Variants in RPF2 observed in about 807,000 individuals in gnomAD.
RPF2 encodes the protein ribosome production factor 2 homolog.
RPF2 carries 21 observed loss-of-function variants against 38.9 expected under a neutral mutation model. The ratio of observed to expected loss-of-function variants is 0.54; its 90% CI spans 0.38 to 0.78. RPF2 has a LOEUF of 0.78. Among genes scored for constraint, RPF2 ranks in the 30% least tolerant of loss-of-function variants. The pLI is 0.00. For synonymous variants in RPF2, 121 were observed against 126.2 expected, an observed-to-expected ratio of 0.96 and a Z score of 0.28; for missense variants, 314 against 358.1, an observed-to-expected ratio of 0.88 and a Z score of 0.99.
intron 2 of RPF2, among the ~76,000 whole-genome samples, chr6:110,985,517 G>A (rs1771509286): frequency 6.6e-6 from 1 of 152,208 alleles, no homozygotes; most frequent in African/African-American, 2.4e-5. Context: ...ACCGGTTACT[G>A]TGCCTCTGCT....
chr6:110,988,399 G>T (rs1771559936), intron 2 of RPF2, among the ~76,000 whole-genome samples: 1 of 150,004 alleles, frequency 6.7e-6, no homozygotes, highest in African/African-American at 2.4e-5. Context: ...TCAGCCTTTC[G>T]TGATAGAATT....
At chr6:111,008,637 G>C (rs569520876) in intron 7 of RPF2, among the ~76,000 whole-genome samples, 2 of 151,944 alleles carry the variant, frequency 1.3e-5, no homozygotes, top group Non-Finnish European at 1.5e-5. Flanking sequence ...TTGTATCACC[G>C]ACTTCCAACT....
chr6:111,018,937 C>T (rs1356707934), intron 8 of RPF2, among the ~76,000 whole-genome samples: 4 of 152,134 alleles, frequency 2.6e-5, no homozygotes, highest in Admixed American at 1.3e-4. Context: ...GTACTCAGGA[C>T]GGACATGGTG....
chr6:111,004,546 G>C lies in RPF2; in HGVS notation c.394-3492G>C, dbSNP rs543561063. Among the ~76,000 whole-genome samples the C allele has an allele frequency of 5.8e-4, 84 of 146,024 alleles. 1 individual carries two copies. Among genetic ancestry groups the C allele is most frequent in the African/African-American group, 2.0e-3 (80 of 40,114 alleles). ...ATCAGTGCTGTATGTATTAAGTATT[G>C]GGGTTTTTTTTTTTTTGGAGACAGG... On this transcript the variant is annotated intron_variant, in intron 6 of 9. Transcript: ENST00000441448.
chr6:111,025,303 A>T, intron 9 of RPF2, 100 bp from the exon 10 acceptor site: 1 of 728,174 alleles, frequency 1.4e-6, no homozygotes. Context: ...AGGGGCAGGC[A>T]CTAATGGAAA....
intron 2 of RPF2, among the ~76,000 whole-genome samples, chr6:110,986,449 G>C (rs1771527551): frequency 6.6e-6 from 1 of 152,202 alleles, no homozygotes; most frequent in Non-Finnish European, 1.5e-5. Flanking sequence ...GACTTCCCAG[G>C]TGTTTGGCTT....
intron 8 of RPF2, among the ~76,000 whole-genome samples, chr6:111,022,319 A>G (rs77347638): frequency 0.032 from 4,911 of 152,324 alleles, 111 homozygotes; most frequent in Middle Eastern, 0.058. Context: ...CAAGAAATAG[A>G]CAAATAATAT....
intron 6 of RPF2, among the ~76,000 whole-genome samples, chr6:111,002,017 C>T (rs1488646961): frequency 2.6e-5 from 4 of 152,190 alleles, no homozygotes; most frequent in East Asian, 1.9e-4. Flanking sequence ...TGCTGGCTCA[C>T]GCCTGTAATC....
Position 111,019,922 on chromosome 6 carries a change from G to GT in RPF2, c.596+4076dup, listed in dbSNP as rs1045101298. Among the ~76,000 whole-genome samples, 394 of 146,546 alleles carry GT rather than the reference G, an allele frequency of 2.7e-3. 1 individual carries two copies. Among genetic ancestry groups the GT allele is most frequent in the South Asian group, 0.02 (95 of 4,660 alleles). Reference sequence around the variant, plus strand: ...GGAACACCTTTCTTTTCTTTCTTTTGTTTTTTTTTTGAGACGGAGTCTCGC... The same window carrying GT: ...GGAACACCTTTCTTTTCTTTCTTTTGTTTTTTTTTTTGAGACGGAGTCTCGC... On this transcript the variant is annotated intron_variant, in intron 8 of 9. Coordinates refer to ENST00000441448, the MANE Select transcript of RPF2 (RefSeq NM_032194.3).
intron 2 of RPF2, among the ~76,000 whole-genome samples, chr6:110,985,852 C>G (rs543863957): frequency 1.3e-5 from 2 of 151,312 alleles, no homozygotes; most frequent in Non-Finnish European, 2.9e-5. Context: ...GCAGGAGAAT[C>G]GCCTGAACCT....
intron 8 of RPF2, among the ~76,000 whole-genome samples, chr6:111,021,675 C>A (rs996221886): frequency 1.3e-5 from 2 of 152,156 alleles, no homozygotes; most frequent in Non-Finnish European, 2.9e-5. Context: ...ATTGACAGTA[C>A]TGCTTTATAA....
intron 2 of RPF2, 159 bp from the exon 3 acceptor site, chr6:110,988,869 C>G: frequency 1.1e-6 from 1 of 876,322 alleles, no homozygotes; most frequent in South Asian, 1.8e-5. Context: ...GCTTACATTT[C>G]AAGTTACTGT....
intron 8 of RPF2, among the ~76,000 whole-genome samples, chr6:111,020,939 G>T (rs1330886842): frequency 6.6e-6 from 1 of 152,196 alleles, no homozygotes; most frequent in Non-Finnish European, 1.5e-5. Flanking sequence ...GGAGACTGAG[G>T]TGGGCAGATC....
In RPF2 at chr6:111,017,796, C is replaced by A. The variant is rs543935354; in HGVS notation, c.596+1940C>A. On this transcript the variant is annotated intron_variant, in intron 8 of 9. Transcript: ENST00000441448. ...GGCAGCCAGGCAGAGACGCTCCTCACTTCCCAGACGGGGTGGCGGCCAGGC... is the reference window on the plus strand; with the variant it reads ...GGCAGCCAGGCAGAGACGCTCCTCAATTCCCAGACGGGGTGGCGGCCAGGC... 2.6e-5 allele frequency among the ~76,000 whole-genome samples: 4 copies of A among 151,698 alleles called. No homozygotes were observed. The East Asian group carries it at 6.0e-4, about 23-fold the overall frequency.
rs886535600 is a variant in RPF2, at chr6:111,000,771, G to A, written c.393+984G>A. Reference sequence around the variant, plus strand: ...AGTAATTTTCTTTTTTGTATAGATTGGGAGATTGAAGGCCCATAGGGGTTT... The same window carrying A: ...AGTAATTTTCTTTTTTGTATAGATTAGGAGATTGAAGGCCCATAGGGGTTT... On this transcript the variant is annotated intron_variant, in intron 6 of 9. Coordinates refer to ENST00000441448, the MANE Select transcript of RPF2 (RefSeq NM_032194.3). 4.6e-5 allele frequency among the ~76,000 whole-genome samples: 7 copies of A among 152,220 alleles called. No individual in the cohort carries two copies. In the East Asian group the frequency reaches 1.2e-3, roughly 25 times the overall value.
At chr6:111,017,691 GGAT>G (rs1274569674) in intron 8 of RPF2, among the ~76,000 whole-genome samples, 1 of 147,730 alleles carries the variant, frequency 6.8e-6, no homozygotes, top group African/African-American at 2.6e-5. Flanking sequence ...TTCCTAGACG[GGAT>G]GGCGGCCGGG....
At chr6:111,017,158 G>T (rs572273911) in intron 8 of RPF2, among the ~76,000 whole-genome samples, 1 of 152,074 alleles carries the variant, frequency 6.6e-6, no homozygotes, top group African/African-American at 2.4e-5. Context: ...CGACAAAACC[G>T]CCATCGTCAT....
intron 6 of RPF2, among the ~76,000 whole-genome samples, chr6:111,007,798 C>A (rs1771938165): frequency 6.6e-6 from 1 of 151,326 alleles, no homozygotes; most frequent in Admixed American, 6.6e-5. Flanking sequence ...TACAAAAAAA[C>A]TAGCCAGGCA....
intron 4 of RPF2, among the ~76,000 whole-genome samples, chr6:110,994,511 G>A (rs934385408): frequency 1.3e-5 from 2 of 151,846 alleles, no homozygotes; most frequent in Non-Finnish European, 1.5e-5. Context: ...GCTGAGTGCA[G>A]GAGTTTGAGG....
Sources: gnomAD v4.1 joint callset for allele counts (sites outside exome capture counted in the v4.1 genomes callset) on GRCh38, gnomAD v4.1.1 for gene constraint, MANE v1.5 for transcripts, NCBI Gene and HGNC (gene_info 2026-07-23, HGNC 2026-07-21) for gene names.